DLG2: variants seen among roughly 807,000 people sequenced by gnomAD.
DLG2 encodes disks large homolog 2.
In DLG2, 45 loss-of-function variants were observed where a neutral mutation model predicts 132.5. That is an observed-to-expected ratio of 0.34 (90% CI 0.27 to 0.44). DLG2 has a LOEUF of 0.44. Ranked by LOEUF, DLG2 falls within the 20% of genes least tolerant of loss-of-function variation. DLG2 has a pLI of 1.00. For missense variants in DLG2, 1,045 were observed against 1,196.9 expected (o/e 0.87, Z 1.87); for synonymous variants, 424 against 419.6 (o/e 1.01, Z -0.13).
chr11:85,523,635 T>A (rs1447320170), intron 3 of DLG2, among the ~76,000 whole-genome samples: 1 of 152,134 alleles, frequency 6.6e-6, no homozygotes, highest in Non-Finnish European at 1.5e-5. Context: ...CCAGCGAGAA[T>A]GTAAATTAGT....
At chr11:84,899,594 T>C (rs542570483) in intron 6 of DLG2, among the ~76,000 whole-genome samples, 1 of 152,166 alleles carries the variant, frequency 6.6e-6, no homozygotes, top group South Asian at 2.1e-4. Context: ...GAAGCACCAA[T>C]ATTATTGGTT....
chr11:85,609,875 G>C (rs4944526), intron 2 of DLG2, among the ~76,000 whole-genome samples: 40,485 of 152,076 alleles, frequency 0.27, 5,999 homozygotes, highest in East Asian at 0.38. Flanking sequence ...TCTGTAACCA[G>C]GTATTTCTCC....
intron 6 of DLG2, among the ~76,000 whole-genome samples, chr11:84,804,025 G>A (rs1199451001): frequency 6.6e-6 from 1 of 152,138 alleles, no homozygotes; most frequent in Non-Finnish European, 1.5e-5. Flanking sequence ...TTTTAAAAAT[G>A]CATTTTACTA....
At position 83,457,481 on chromosome 11, in the gene DLG2, T is replaced by A. The variant is rs1333042187; in HGVS notation, c.*2337A>T. On this transcript the variant is annotated 3_prime_UTR_variant, in exon 28 of 28. Coordinates refer to ENST00000376104, the MANE Select transcript of DLG2 (RefSeq NM_001142699.3). The stretch of plus-strand genomic sequence containing the variant: ...AAATGCCAATTCTAATCTGAAAGCA[T>A]CTACACTAGGAAAATAAATAGTTAT... 2 of 152,620 alleles carry A rather than the reference T, an allele frequency of 1.3e-5. No homozygotes were observed. The highest frequency in any genetic ancestry group is 2.9e-5 in the Non-Finnish European group (2 of 68,046). The allele number at this position is 152,620 out of a possible 1,614,324, so 9.5% of individuals were successfully genotyped here.
At chr11:83,843,936 C>T (rs1407784722) in intron 16 of DLG2, among the ~76,000 whole-genome samples, 1 of 152,160 alleles carries the variant, frequency 6.6e-6, no homozygotes. Context: ...CTTTTAAATG[C>T]TTGGCTAAGC....
intron 3 of DLG2, among the ~76,000 whole-genome samples, chr11:85,431,032 A>T (rs576494287): frequency 1.4e-4 from 21 of 152,194 alleles, no homozygotes; most frequent in African/African-American, 4.8e-4. Flanking sequence ...TAATTGGCTT[A>T]ATTTTTTAGT....
chr11:85,615,201 G>A (rs182146209), intron 2 of DLG2, among the ~76,000 whole-genome samples: 49 of 152,226 alleles, frequency 3.2e-4, no homozygotes, highest in Admixed American at 8.5e-4. Flanking sequence ...GCAAGGCTAC[G>A]CAGCAGTAAA....
At chr11:83,937,835 G>T (rs1016326247) in intron 14 of DLG2, among the ~76,000 whole-genome samples, 5 of 152,166 alleles carry the variant, frequency 3.3e-5, no homozygotes, top group African/African-American at 1.2e-4. Flanking sequence ...GTGGTATGTT[G>T]AAACAGACAC....
At chr11:83,811,628 C>T (rs953979860) in intron 17 of DLG2, among the ~76,000 whole-genome samples, 1 of 151,982 alleles carries the variant, frequency 6.6e-6, no homozygotes, top group African/African-American at 2.4e-5. Context: ...CTTCCTGGTT[C>T]TTTTTCCCAA....
At chr11:84,656,975 G>A (rs1407269724) in intron 6 of DLG2, among the ~76,000 whole-genome samples, 2 of 152,054 alleles carry the variant, frequency 1.3e-5, no homozygotes, top group East Asian at 3.9e-4. Context: ...TCTGTGCCAG[G>A]TGTTATCTTT....
chr11:83,923,531 C>A (rs1425987984), intron 15 of DLG2, among the ~76,000 whole-genome samples: 1 of 152,084 alleles, frequency 6.6e-6, no homozygotes, highest in Non-Finnish European at 1.5e-5. Flanking sequence ...TGTCTCCCTT[C>A]CCTCCCATTG....
chr11:85,511,876 G>A (rs182944769), intron 3 of DLG2, among the ~76,000 whole-genome samples: 132 of 151,996 alleles, frequency 8.7e-4, no homozygotes, highest in African/African-American at 3.0e-3. Flanking sequence ...TAGGACTATA[G>A]GCACGTGCCA....
At chr11:84,825,597 G>A (rs2078237063) in intron 6 of DLG2, among the ~76,000 whole-genome samples, 1 of 151,960 alleles carries the variant, frequency 6.6e-6, no homozygotes, top group East Asian at 2.0e-4. Flanking sequence ...ACACATTTCA[G>A]ACTCCTATAA....
rs559446187 is a variant in DLG2 at position 85,022,224 on chromosome 11, AAT to A, written c.357+89435_357+89436del. ...TATATCAAGATATTAGAAAAAATGC[AAT>A]CAGAATAAAAATAAAACAGAAAGAA... On this transcript the variant is annotated intron_variant, in intron 6 of 27. Coordinates refer to ENST00000376104, the MANE Select transcript of DLG2 (RefSeq NM_001142699.3). Among the ~76,000 whole-genome samples the A allele has an allele frequency of 2.2e-3, 338 of 152,128 alleles. 1 individual carries two copies. Among genetic ancestry groups the A allele is most frequent in the Non-Finnish European group, 3.2e-3 (216 of 67,960 alleles).
At chr11:85,046,445 G>A (rs146559814) in intron 6 of DLG2, among the ~76,000 whole-genome samples, 2,563 of 152,002 alleles carry the variant, frequency 0.017, 38 homozygotes, top group Admixed American at 0.04. Context: ...GACCAGTGAA[G>A]CAAAACCAAT....
At chr11:84,583,147 T>C (rs2099520666) in intron 6 of DLG2, among the ~76,000 whole-genome samples, 1 of 152,212 alleles carries the variant, frequency 6.6e-6, no homozygotes, top group Non-Finnish European at 1.5e-5. Context: ...CAATGACAGT[T>C]CAGTGGTCCC....
chr11:85,578,251 T>C (rs1373229721), intron 3 of DLG2, among the ~76,000 whole-genome samples: 1 of 152,154 alleles, frequency 6.6e-6, no homozygotes, highest in Non-Finnish European at 1.5e-5. Flanking sequence ...CAAGATGGAC[T>C]ACAAACTTAA....
At chr11:83,609,534 G>A (rs758324130) in intron 19 of DLG2, among the ~76,000 whole-genome samples, 6 of 152,100 alleles carry the variant, frequency 3.9e-5, no homozygotes, top group Non-Finnish European at 7.4e-5. Context: ...CTGATTTTAC[G>A]AGATTATCTA....
intron 6 of DLG2, among the ~76,000 whole-genome samples, chr11:84,567,143 C>T (rs1474491415): frequency 6.6e-6 from 1 of 151,986 alleles, no homozygotes; most frequent in Admixed American, 6.6e-5. Context: ...TAAATGCTAG[C>T]CTTTAACTTA....
Sources: gnomAD v4.1 joint callset for allele counts (sites outside exome capture counted in the v4.1 genomes callset) on GRCh38, gnomAD v4.1.1 for gene constraint, MANE v1.5 for transcripts, NCBI Gene and HGNC (gene_info 2026-07-23, HGNC 2026-07-21) for gene names.